AUTS2: variants seen among roughly 807,000 people sequenced by gnomAD.
AUTS2 encodes activator of transcription and developmental regulator AUTS2.
In AUTS2, 17 loss-of-function variants were observed where a neutral mutation model predicts 112.4. That is an observed-to-expected ratio of 0.15 (90% CI 0.10 to 0.23). The LOEUF is 0.23. Ranked by LOEUF, AUTS2 falls within the 10% of genes least tolerant of loss-of-function variation. The pLI is 1.00. For missense variants in AUTS2, 1,510 were observed against 1,701.6 expected (o/e 0.89, Z 1.98); for synonymous variants, 751 against 702.7 (o/e 1.07, Z -1.09).
chr7:69,814,204 A>C (rs1047360628), intron 1 of AUTS2, among the ~76,000 whole-genome samples: 2 of 152,186 alleles, frequency 1.3e-5, no homozygotes, highest in African/African-American at 4.8e-5. Context: ...TTTAAGCTGC[A>C]CTGGCTTACC....
At position 69,836,244 on chromosome 7, in the gene AUTS2, T is replaced by C. The variant is rs79417235; in HGVS notation, c.310-63042T>C. Reference sequence around the variant, plus strand: ...AGATTAGCTGAGAAGGCATACACCATGTTATCCTTTTATGGATGAGTGATA... The same window carrying C: ...AGATTAGCTGAGAAGGCATACACCACGTTATCCTTTTATGGATGAGTGATA... On this transcript the variant is annotated intron_variant, in intron 1 of 18. Coordinates refer to ENST00000342771, the MANE Select transcript of AUTS2 (RefSeq NM_015570.4). Among the ~76,000 whole-genome samples the C allele has an allele frequency of 2.9e-3, 444 of 152,296 alleles. 5 individuals are homozygous for C. The highest frequency in any genetic ancestry group is 0.01 in the African/African-American group (430 of 41,574).
intron 4 of AUTS2, among the ~76,000 whole-genome samples, chr7:70,402,785 G>T (rs1298630511): frequency 6.6e-6 from 1 of 152,110 alleles, no homozygotes; most frequent in African/African-American, 2.4e-5. Context: ...GTAGTTTCAA[G>T]AATTAAGGAT....
chr7:70,110,535 C>T (rs1298546766), intron 2 of AUTS2, among the ~76,000 whole-genome samples: 2 of 152,074 alleles, frequency 1.3e-5, no homozygotes, highest in African/African-American at 2.4e-5. Context: ...AATAAATAAA[C>T]AAATAAATAA....
At chr7:69,794,678 G>T (rs990297588) in intron 1 of AUTS2, among the ~76,000 whole-genome samples, 6 of 151,964 alleles carry the variant, frequency 3.9e-5, no homozygotes, top group African/African-American at 7.3e-5. Flanking sequence ...TATTTTGACA[G>T]TACCAATAAA....
chr7:70,728,089 G>T (rs190183391), intron 6 of AUTS2, among the ~76,000 whole-genome samples: 81 of 152,262 alleles, frequency 5.3e-4, no homozygotes, highest in African/African-American at 1.8e-3. Context: ...AGAGTGACCT[G>T]CTGCTACTGC....
intron 4 of AUTS2, among the ~76,000 whole-genome samples, chr7:70,135,692 A>G (rs1234135507): frequency 6.6e-6 from 1 of 152,182 alleles, no homozygotes; most frequent in African/African-American, 2.4e-5. Context: ...GAGAAAAAGT[A>G]TAAGGATGAT....
At chr7:69,957,540 T>C (rs77882738) in intron 2 of AUTS2, among the ~76,000 whole-genome samples, 3,731 of 152,270 alleles carry the variant, frequency 0.025, 153 homozygotes, top group African/African-American at 0.082. Flanking sequence ...TATTTTATGA[T>C]ATATGTGATA....
At chr7:70,061,129 T>C (rs1802226764) in intron 2 of AUTS2, among the ~76,000 whole-genome samples, 2 of 152,236 alleles carry the variant, frequency 1.3e-5, no homozygotes, top group Admixed American at 1.3e-4. Context: ...CTAGGTGACC[T>C]CTCAAGGGTT....
At chr7:70,518,910 G>T (rs2129494440) in intron 5 of AUTS2, among the ~76,000 whole-genome samples, 1 of 151,954 alleles carries the variant, frequency 6.6e-6, no homozygotes, top group Non-Finnish European at 1.5e-5. Flanking sequence ...TACCATGTTG[G>T]CCAGGCTGGT....
At chr7:69,822,063 A>G (rs1179746354) in intron 1 of AUTS2, among the ~76,000 whole-genome samples, 1 of 152,198 alleles carries the variant, frequency 6.6e-6, no homozygotes, top group African/African-American at 2.4e-5. Context: ...GGAGGGAAGT[A>G]GATGGGTTAG....
intron 2 of AUTS2, among the ~76,000 whole-genome samples, chr7:69,922,111 A>G (rs1795841603): frequency 6.6e-6 from 1 of 152,208 alleles, no homozygotes; most frequent in African/African-American, 2.4e-5. Flanking sequence ...GACTAGTCTC[A>G]GGGATATTTG....
intron 3 of AUTS2, among the ~76,000 whole-genome samples, chr7:70,132,217 G>A (rs7783748): frequency 6.7e-6 from 1 of 149,790 alleles, no homozygotes; most frequent in African/African-American, 2.5e-5. Flanking sequence ...CATGTGAATG[G>A]CTCCTGATAC....
chr7:69,676,692 C>T (rs951041530), intron 1 of AUTS2, among the ~76,000 whole-genome samples: 2 of 152,080 alleles, frequency 1.3e-5, no homozygotes, highest in African/African-American at 4.8e-5. Context: ...TGAAAATAAA[C>T]GATGATTACT....
chr7:70,316,751 T>C (rs185314330), intron 4 of AUTS2, among the ~76,000 whole-genome samples: 1 of 152,134 alleles, frequency 6.6e-6, no homozygotes, highest in Non-Finnish European at 1.5e-5. Flanking sequence ...CAATCGTTGG[T>C]GAATTTGAAA....
At chr7:70,671,554 C>T (rs1807642189) in intron 5 of AUTS2, among the ~76,000 whole-genome samples, 1 of 152,226 alleles carries the variant, frequency 6.6e-6, no homozygotes, top group South Asian at 2.1e-4. Context: ...GCCTCTTTCC[C>T]TATTCCCCTG....
intron 5 of AUTS2, among the ~76,000 whole-genome samples, chr7:70,630,868 T>C (rs909977850): frequency 1.3e-5 from 2 of 152,218 alleles, no homozygotes; most frequent in Admixed American, 1.3e-4. Flanking sequence ...AAGAGCACTT[T>C]GTAACACACA....
chr7:70,668,724 G>A (rs1382031385), intron 5 of AUTS2, among the ~76,000 whole-genome samples: 1 of 152,190 alleles, frequency 6.6e-6, no homozygotes, highest in Non-Finnish European at 1.5e-5. Flanking sequence ...TAATTTCTGG[G>A]CCACAAGGCC....
chr7:70,351,485 GCAGTGAA>G (rs1245882204), intron 4 of AUTS2, among the ~76,000 whole-genome samples: 4 of 152,190 alleles, frequency 2.6e-5, no homozygotes, highest in Admixed American at 6.5e-5. Flanking sequence ...GAATAGTGCT[GCAGTGAA>G]CATGGGGGTG....
chr7:70,481,736 T>G (rs1797795388), intron 5 of AUTS2, among the ~76,000 whole-genome samples: 1 of 152,212 alleles, frequency 6.6e-6, no homozygotes, highest in Non-Finnish European at 1.5e-5. Flanking sequence ...ATTAAGTGTT[T>G]GGGGTCCTAT....
Sources: allele counts gnomAD v4.1 joint callset (sites outside exome capture counted in the v4.1 genomes callset), GRCh38; gene constraint gnomAD v4.1.1; transcripts MANE v1.5; gene names NCBI Gene and HGNC (gene_info 2026-07-23, HGNC 2026-07-21).